PGCKA1: variants seen among roughly 807,000 people sequenced by gnomAD.
The protein encoded by PGCKA1 is PDCD10 and GCKIII kinases-associated protein 1.
chr4:37,556,617 C>T, the PGCKA1 span, among the ~76,000 whole-genome samples: 1 of 152,130 alleles, frequency 6.6e-6, no homozygotes, highest in Non-Finnish European at 1.5e-5. Context: ...GTGCCTGGCT[C>T]AGGTACTGTC....
chr4:37,550,386 C>T, the PGCKA1 span, among the ~76,000 whole-genome samples: 3 of 151,960 alleles, frequency 2.0e-5, no homozygotes, highest in African/African-American at 7.3e-5. Context: ...TTAAGTATAT[C>T]TGTCAAGAAT....
At chr4:37,548,976 G>T in the PGCKA1 span, among the ~76,000 whole-genome samples, 1 of 152,198 alleles carries the variant, frequency 6.6e-6, no homozygotes, top group African/African-American at 2.4e-5. Flanking sequence ...GGCATGGGCT[G>T]CATGGTAGCT....
chr4:37,453,926 G>A, the PGCKA1 span: 2 of 152,588 alleles, frequency 1.3e-5, no homozygotes, highest in African/African-American at 4.8e-5. Flanking sequence ...TGCGAGCTCG[G>A]CGGGCTCAGG....
At chr4:37,488,401 C>G in the PGCKA1 span, among the ~76,000 whole-genome samples, 1 of 152,074 alleles carries the variant, frequency 6.6e-6, no homozygotes, top group Admixed American at 6.6e-5. Flanking sequence ...TGTGATAAAT[C>G]CATGTAGGCA....
At chr4:37,473,688 CAAGCAGT>C in the PGCKA1 span, among the ~76,000 whole-genome samples, 1 of 152,148 alleles carries the variant, frequency 6.6e-6, no homozygotes, top group African/African-American at 2.4e-5. Flanking sequence ...CTCCCATTCC[CAAGCAGT>C]AGTGTGTCCC....
At chr4:37,568,554 G>C in the PGCKA1 span, among the ~76,000 whole-genome samples, 1 of 152,150 alleles carries the variant, frequency 6.6e-6, no homozygotes, top group African/African-American at 2.4e-5. Flanking sequence ...ATTTCCAAAA[G>C]AGCTGCAGAG....
chr4:37,543,344 T>C, the PGCKA1 span, among the ~76,000 whole-genome samples: 2 of 152,172 alleles, frequency 1.3e-5, no homozygotes, highest in African/African-American at 4.8e-5. Context: ...ACTGTGTAAA[T>C]ACTTTTGAAA....
chr4:37,458,552 C>T, the PGCKA1 span, among the ~76,000 whole-genome samples: 7 of 152,098 alleles, frequency 4.6e-5, no homozygotes, highest in East Asian at 1.9e-4. Flanking sequence ...GGCGGACCAT[C>T]GGCCATGTCA....
chr4:37,453,302 AGGGAT>A, the PGCKA1 span, among the ~76,000 whole-genome samples: 2 of 152,112 alleles, frequency 1.3e-5, no homozygotes, highest in African/African-American at 4.8e-5. Context: ...AGGAAAAGAA[AGGGAT>A]GGAGGGGGAG....
chr4:37,570,622 T>G, the PGCKA1 span, among the ~76,000 whole-genome samples: 1 of 152,176 alleles, frequency 6.6e-6, no homozygotes, highest in East Asian at 1.9e-4. Flanking sequence ...AGCGGCTCAC[T>G]AAATATTTGT....
chr4:37,504,847 A>AG, the PGCKA1 span, among the ~76,000 whole-genome samples: 3 of 152,190 alleles, frequency 2.0e-5, no homozygotes, highest in Non-Finnish European at 1.5e-5. Flanking sequence ...TCCAAATATA[A>AG]GATCATATTA....
the PGCKA1 span, among the ~76,000 whole-genome samples, chr4:37,556,674 C>T: frequency 1.3e-5 from 2 of 152,168 alleles, no homozygotes; most frequent in South Asian, 4.1e-4. Context: ...ACCTGAACCA[C>T]CTCAGGATTT....
the PGCKA1 span, among the ~76,000 whole-genome samples, chr4:37,512,368 G>A: frequency 6.6e-6 from 1 of 151,784 alleles, no homozygotes; most frequent in African/African-American, 2.4e-5. Context: ...TTAGTGTCCT[G>A]TCACTGAGAC....
the PGCKA1 span, among the ~76,000 whole-genome samples, chr4:37,461,281 A>G: frequency 1.3e-5 from 2 of 151,782 alleles, no homozygotes; most frequent in African/African-American, 4.9e-5. Context: ...TCTGCTGAGG[A>G]TTGTCTTGGC....
the PGCKA1 span, among the ~76,000 whole-genome samples, chr4:37,500,010 C>T: frequency 6.6e-6 from 1 of 150,488 alleles, no homozygotes; most frequent in African/African-American, 2.5e-5. Flanking sequence ...GCAAGCTCCG[C>T]TTCCTGGGTT....
At chr4:37,494,769 G>T in the PGCKA1 span, among the ~76,000 whole-genome samples, 1 of 152,100 alleles carries the variant, frequency 6.6e-6, no homozygotes, top group East Asian at 1.9e-4. Context: ...GCTTTTCTCC[G>T]CAACCTCACC....
the PGCKA1 span, among the ~76,000 whole-genome samples, chr4:37,516,616 T>C: frequency 6.6e-6 from 1 of 152,192 alleles, no homozygotes; most frequent in Non-Finnish European, 1.5e-5. Context: ...CTGGCCTAAA[T>C]CACACCACGA....
chr4:37,504,094 C>T, the PGCKA1 span, among the ~76,000 whole-genome samples: 1 of 152,158 alleles, frequency 6.6e-6, no homozygotes, highest in Non-Finnish European at 1.5e-5. Context: ...AGATTTAAGG[C>T]TTTGATCCAT....
chr4:37,492,930 C>T, the PGCKA1 span, among the ~76,000 whole-genome samples: 3 of 152,190 alleles, frequency 2.0e-5, no homozygotes, highest in African/African-American at 7.2e-5. The surrounding 1 kb of genome is among the most constrained non-coding windows in gnomAD (Gnocchi z 4.7). Flanking sequence ...GTTCAGCTTT[C>T]TCAGGTCCAC....
Sources: gnomAD v4.1 joint callset for allele counts (sites outside exome capture counted in the v4.1 genomes callset) on GRCh38, gnomAD v4.1.1 for gene constraint, Gnocchi (gnomAD v3.1) non-coding constraint, MANE v1.5 for transcripts, NCBI Gene and HGNC (gene_info 2026-07-23, HGNC 2026-07-21) for gene names.